BDP1: variants seen among roughly 807,000 people sequenced by gnomAD.
BDP1 encodes the protein transcription factor TFIIIB component B'' homolog.
BDP1 carries 169 observed loss-of-function variants against 266.6 expected under a neutral mutation model. That is an observed-to-expected ratio of 0.63 (90% CI 0.56 to 0.72). BDP1 has a LOEUF of 0.72. Ranked by LOEUF, BDP1 falls within the 30% of genes least tolerant of loss-of-function variation. The pLI is 0.00. For missense variants in BDP1, 3,015 were observed against 3,053.8 expected, an observed-to-expected ratio of 0.99 and a Z score of 0.30; for synonymous variants, 1,090 against 1,022.4, an observed-to-expected ratio of 1.07 and a Z score of -1.26.
Position 71,513,377 on chromosome 5 carries a change from T to A in BDP1, c.4440T>A (p.Asn1480Lys). Reference protein sequence around the residue: ...KMETIVMQENNEQTDTLPSQH... With the variant: ...KMETIVMQENKEQTDTLPSQH... Reference sequence around the variant, plus strand: ...AGACTATTGTGATGCAAGAAAATAATGAACAAACTGATACTCTCCCTTCTC... The same window carrying A: ...AGACTATTGTGATGCAAGAAAATAAAGAACAAACTGATACTCTCCCTTCTC... The change falls in exon 19 of 39, where the codon AAT becomes AAA. Residue 1480 changes from asparagine to lysine, a missense_variant. Transcript: ENST00000358731. 1 of 1,591,026 alleles carries A rather than the reference T, an allele frequency of 6.3e-7. No individual in the cohort carries two copies. The highest frequency in any genetic ancestry group is 1.1e-5 in the South Asian group (1 of 87,598).
intron 7 of BDP1, among the ~76,000 whole-genome samples, chr5:71,475,551 A>G (rs993049731): frequency 2.0e-5 from 3 of 152,334 alleles, no homozygotes; most frequent in African/African-American, 7.2e-5. Flanking sequence ...AGTTGTTTCC[A>G]GTTCAGCAAA....
At chr5:71,473,399 C>G (rs923514804) in intron 7 of BDP1, among the ~76,000 whole-genome samples, 1 of 149,638 alleles carries the variant, frequency 6.7e-6, no homozygotes, top group African/African-American at 2.5e-5. Flanking sequence ...CTCAGCCTCC[C>G]GAGTAGCTGG....
At chr5:71,466,700 A>G (rs1462960107) in intron 5 of BDP1, among the ~76,000 whole-genome samples, 1 of 152,174 alleles carries the variant, frequency 6.6e-6, no homozygotes, top group Non-Finnish European at 1.5e-5. Context: ...TCTCAGTTAT[A>G]ACATTAAATT....
rs1204617704 is a variant in BDP1 at position 71,516,262 on chromosome 5, C to T, written c.4851C>T (p.Val1617=). The T allele has an allele frequency of 1.2e-6, 2 of 1,610,684 alleles. No homozygotes were observed. Among genetic ancestry groups the T allele is most frequent in the Non-Finnish European group, 1.7e-6 (2 of 1,177,948 alleles). The change falls in exon 21 of 39, where the codon GTC becomes GTT. Residue 1617 remains valine (V), a synonymous_variant. Coordinates refer to ENST00000358731, the MANE Select transcript of BDP1 (RefSeq NM_018429.3). ...ILPKDETEKK[V]LTVSNSQIET... is the part of the protein sequence containing the mutation. ...CAAAAGATGAAACTGAAAAGAAAGTCTTAACTGTGGTGAGTTATTGTTATG... is the reference window on the plus strand; with the variant it reads ...CAAAAGATGAAACTGAAAAGAAAGTTTTAACTGTGGTGAGTTATTGTTATG...
intron 3 of BDP1, 95 bp downstream of exon 3, chr5:71,462,021 GGT>G: frequency 1.4e-6 from 1 of 709,252 alleles, no homozygotes; most frequent in Non-Finnish European, 2.4e-6. Context: ...GGAGTGCAGT[GGT>G]GCAATCTTGG....
intron 34 of BDP1, among the ~76,000 whole-genome samples, chr5:71,550,835 A>G (rs1375904428): frequency 6.6e-6 from 1 of 152,070 alleles, no homozygotes; most frequent in African/African-American, 2.4e-5. Flanking sequence ...CCTCCCAAGT[A>G]GCTGGGACTA....
intron 7 of BDP1, among the ~76,000 whole-genome samples, chr5:71,471,424 G>A (rs1420721680): frequency 2.6e-5 from 4 of 152,120 alleles, no homozygotes; most frequent in East Asian, 1.9e-4. Flanking sequence ...AATTACAGGC[G>A]TGAGCCATCA....
Position 71,455,843 on chromosome 5 carries a change from C to T in BDP1, c.-35C>T. 1 of 1,535,164 alleles carries T rather than the reference C, an allele frequency of 6.5e-7. No individual in the cohort carries two copies. Among genetic ancestry groups the T allele is most frequent in the Non-Finnish European group, 8.8e-7 (1 of 1,137,334 alleles). On this transcript the variant is annotated 5_prime_UTR_variant, in exon 1 of 39. Coordinates refer to ENST00000358731, the MANE Select transcript of BDP1 (RefSeq NM_018429.3). ...GCCGGGGCTCGGGGCTGTGAGCGGC[C>T]GTGAGGCTGCCTCCCCGGGCCCCCT... is the stretch of plus-strand genomic sequence containing the variant.
chr5:71,543,967 C>T (rs1030050715), intron 30 of BDP1, among the ~76,000 whole-genome samples: 18 of 152,070 alleles, frequency 1.2e-4, no homozygotes, highest in Non-Finnish European at 2.1e-4. Flanking sequence ...TTTTTTTCCC[C>T]GTTTGTGATA....
chr5:71,520,009 A>G (rs1401584546), intron 22 of BDP1, among the ~76,000 whole-genome samples: 2 of 152,158 alleles, frequency 1.3e-5, no homozygotes, highest in East Asian at 3.8e-4. Flanking sequence ...TAGCCATTTT[A>G]ACGGCAGTAG....
At chr5:71,494,265 A>G (rs1397740581) in intron 11 of BDP1, among the ~76,000 whole-genome samples, 1 of 152,232 alleles carries the variant, frequency 6.6e-6, no homozygotes, top group Non-Finnish European at 1.5e-5. Flanking sequence ...AGAAAAAGGT[A>G]TGGCTAAATG....
rs777417725 is a variant in BDP1 at position 71,510,034 on chromosome 5, A to T, written c.2942A>T (p.Asp981Val). Residue 981 changes from aspartate to valine, a missense_variant, in exon 17 of 39, where the codon GAC (aspartate) becomes GTC (valine). Coordinates refer to ENST00000358731, the MANE Select transcript of BDP1 (RefSeq NM_018429.3). ...GTGACTGATGCCACTGAGGAAATAGACAAAAATTTGGAAGAAACTGGAAGA... is the reference window on the plus strand; with the variant it reads ...GTGACTGATGCCACTGAGGAAATAGTCAAAAATTTGGAAGAAACTGGAAGA... ...PEVTDATEEI[D>V]KNLEETGRRK... 1 of 1,613,946 alleles carries T rather than the reference A, an allele frequency of 6.2e-7. No individual in the cohort carries two copies.
chr5:71,574,359 C>A, the BDP1 span, among the ~76,000 whole-genome samples: 1 of 152,184 alleles, frequency 6.6e-6, no homozygotes, highest in African/African-American at 2.4e-5. Flanking sequence ...AATGGCACCC[C>A]CCTGTCAGGA....
At chr5:71,531,163 G>GT (rs879910560) in intron 25 of BDP1, among the ~76,000 whole-genome samples, 14 of 152,040 alleles carry the variant, frequency 9.2e-5, no homozygotes, top group Non-Finnish European at 1.9e-4. Flanking sequence ...GTTTTATACT[G>GT]TTTTTTTCTG....
intron 7 of BDP1, among the ~76,000 whole-genome samples, chr5:71,476,767 G>A (rs1488105972): frequency 1.1e-4 from 16 of 151,820 alleles, no homozygotes; most frequent in Non-Finnish European, 1.5e-4. Context: ...GCAGTGGCGC[G>A]GTCTAGGCTC....
intron 23 of BDP1, 23 bp downstream of exon 23, chr5:71,522,513 A>C (rs1765552414): frequency 1.3e-6 from 2 of 1,572,504 alleles, no homozygotes; most frequent in South Asian, 2.4e-5. Context: ...AAAAAAAAAA[A>C]AAAAATTTTT....
intron 25 of BDP1, among the ~76,000 whole-genome samples, chr5:71,530,449 G>A (rs1461867752): frequency 6.6e-6 from 1 of 151,746 alleles, no homozygotes; most frequent in African/African-American, 2.4e-5. Context: ...TTACCATGTT[G>A]TCCAGGCTGG....
At chr5:71,552,503 A>G (rs1219831587) in intron 34 of BDP1, among the ~76,000 whole-genome samples, 4 of 152,342 alleles carry the variant, frequency 2.6e-5, no homozygotes, top group South Asian at 4.1e-4. Flanking sequence ...AGCCGAGATC[A>G]CGCCACCGCA....
chr5:71,576,202 A>G, the BDP1 span, among the ~76,000 whole-genome samples: 1 of 152,190 alleles, frequency 6.6e-6, no homozygotes, highest in East Asian at 1.9e-4. Context: ...CATATTGGGC[A>G]TATGTTCCCA....
Sources: allele counts gnomAD v4.1 joint callset (sites outside exome capture counted in the v4.1 genomes callset), GRCh38; gene constraint gnomAD v4.1.1; transcripts MANE v1.5; gene names NCBI Gene and HGNC (gene_info 2026-07-23, HGNC 2026-07-21).